The following HPS4 variants were observed in gnomAD, a reference collection of about 807,000 sequenced individuals.
HPS4 encodes BLOC-3 complex member HPS4.
A neutral mutation model predicts 70.3 loss-of-function variants in HPS4; 44 were observed. That is an observed-to-expected ratio of 0.63 (90% CI 0.49 to 0.80). The LOEUF (loss-of-function observed/expected upper bound fraction) is 0.80, where lower values mean the gene tolerates loss of function less well. HPS4 is among the 30% of genes least tolerant of loss of function. The pLI is 0.00. For missense variants in HPS4, 873 were observed against 884.4 expected (o/e 0.99, Z 0.16); for synonymous variants, 377 against 355.9 (o/e 1.06, Z -0.67).
At chr22:26,457,374 G>A (rs571543689) in intron 13 of HPS4, among the ~76,000 whole-genome samples, 83 of 152,042 alleles carry the variant, frequency 5.5e-4, no homozygotes, top group Non-Finnish European at 1.1e-3. Flanking sequence ...CCACCACCCT[G>A]CCCAGCTAAT....
At position 26,464,082 on chromosome 22, in the gene HPS4, C is replaced by T; in HGVS notation, c.1548G>A (p.Gln516=). ...TTCCATCTGCAGAGGGGCCAGCACC[C>T]TGACAGTTTGCTGAGCCTGAACTGC... The part of the protein sequence containing the change: ...LECSSGSANC[Q]GAGPSADGIS... Residue 516 remains glutamine (Q), a synonymous_variant, in exon 11 of 14, where the codon CAG becomes CAA. Coordinates refer to ENST00000398145, the MANE Select transcript of HPS4 (RefSeq NM_022081.6). The T allele has an allele frequency of 6.2e-7, 1 of 1,614,284 alleles. No individual in the cohort carries two copies. Among genetic ancestry groups the T allele is most frequent in the East Asian group, 2.2e-5 (1 of 44,890 alleles).
chr22:26,477,283 T>C (rs1231825995), intron 3 of HPS4, 147 bp from the exon 4 acceptor site: 1 of 806,720 alleles, frequency 1.2e-6, no homozygotes, highest in African/African-American at 1.7e-5. Flanking sequence ...TCTTATACTT[T>C]TTAAAGGTTA....
chr22:26,452,373 G>T lies in HPS4; in HGVS notation c.*860C>A, dbSNP rs995770536. On this transcript the variant is annotated 3_prime_UTR_variant, in exon 14 of 14. Coordinates refer to ENST00000398145, the MANE Select transcript of HPS4 (RefSeq NM_022081.6). The stretch of plus-strand genomic sequence containing the variant: ...CACACAAGCCCAGGAACACACAGCT[G>T]AGTGTCGCTCCCTTTCACGCAGCCA... 8.8e-6 allele frequency: 4 copies of T among 456,632 alleles called. No individual in the cohort carries two copies. The highest frequency in any genetic ancestry group is 6.2e-5 in the South Asian group (4 of 64,546). The allele number at this position is 456,632 out of a possible 1,614,324, so 28.3% of individuals were successfully genotyped here. A position where few individuals can be genotyped will look rare whatever the true frequency, so the allele number is the denominator to read the frequency against.
At chr22:26,473,983 A>G (rs1047076828) in intron 4 of HPS4, among the ~76,000 whole-genome samples, 1 of 152,238 alleles carries the variant, frequency 6.6e-6, no homozygotes, top group Admixed American at 6.5e-5. Context: ...AGAGCTTACA[A>G]CAGTCTGGCA....
At chr22:26,480,579 C>G (rs892832970) in intron 2 of HPS4, among the ~76,000 whole-genome samples, 1 of 152,290 alleles carries the variant, frequency 6.6e-6, no homozygotes, top group South Asian at 2.1e-4. Context: ...TATGCCCTCT[C>G]TGAAGCCTCC....
intron 13 of HPS4, chr22:26,454,043 G>A (rs1417510963): frequency 6.5e-6 from 1 of 153,350 alleles, no homozygotes; most frequent in African/African-American, 2.4e-5. Flanking sequence ...GCCAACTCCA[G>A]GCCAAGGTAA....
intron 2 of HPS4, among the ~76,000 whole-genome samples, chr22:26,480,899 T>C (rs535928798): frequency 6.6e-5 from 10 of 152,120 alleles, no homozygotes; most frequent in South Asian, 4.1e-4. Context: ...GCCTGGAGGA[T>C]AGAGCAAGAC....
chr22:26,452,336 G>A lies in HPS4; in HGVS notation c.*897C>T. 2.2e-6 allele frequency: 1 copy of A among 456,686 alleles called. No homozygotes were observed. The highest frequency in any genetic ancestry group is 4.4e-6 in the Non-Finnish European group (1 of 226,970). The allele number at this position is 456,686 out of a possible 1,614,324, so 28.3% of individuals were successfully genotyped here. The stretch of plus-strand genomic sequence containing the variant: ...TCTGACTATAACGTAATAGAACTGA[G>A]GTTCTAAGTACCACACAAGCCCAGG... On this transcript the variant is annotated 3_prime_UTR_variant, in exon 14 of 14. Coordinates refer to ENST00000398145, the MANE Select transcript of HPS4 (RefSeq NM_022081.6).
In HPS4 at chr22:26,472,818, C is replaced by T. The variant is rs761159300; in HGVS notation, c.384+14G>A. ...AGAGGCCCAATGTAAGACTCCTCAA[C>T]CCCATACTTGTACCTCATAAGCTAG... On this transcript the variant is annotated intron_variant, in intron 5 of 13. Coordinates refer to ENST00000398145, the MANE Select transcript of HPS4 (RefSeq NM_022081.6). The T allele has an allele frequency of 1.0e-5, 16 of 1,589,982 alleles. No homozygotes were observed. Among genetic ancestry groups the T allele is most frequent in the Non-Finnish European group, 1.4e-5 (16 of 1,158,050 alleles).
intron 12 of HPS4, 37 bp from the exon 13 acceptor site, chr22:26,458,004 A>G (rs1449150888): frequency 1.3e-6 from 2 of 1,516,166 alleles, no homozygotes; most frequent in African/African-American, 1.4e-5. Context: ...AAGAGCAGAC[A>G]GTTACCTTCT....
downstream of HPS4, among the ~76,000 whole-genome samples, chr22:26,449,857 C>T (rs140388446): frequency 1.3e-5 from 2 of 152,304 alleles, no homozygotes; most frequent in Non-Finnish European, 2.9e-5. Context: ...CATGCTCTCA[C>T]GGTTCTGGAG....
chr22:26,452,027 C>T lies in HPS4; in HGVS notation c.*1206G>A. 3.4e-6 allele frequency: 1 copy of T among 298,272 alleles called. No individual in the cohort carries two copies. Among genetic ancestry groups the T allele is most frequent in the South Asian group, 3.0e-5 (1 of 33,100 alleles). 18.5% of individuals were successfully genotyped at this position (298,272 alleles called of 1,614,324 possible). A position where few individuals can be genotyped will look rare whatever the true frequency, so the allele number is the denominator to read the frequency against. On this transcript the variant is annotated 3_prime_UTR_variant, in exon 14 of 14. Coordinates refer to ENST00000398145, the MANE Select transcript of HPS4 (RefSeq NM_022081.6). ...GCGCACACACACACACACACACACACACACACACACACACACTGTCTTAAC... is the reference window on the plus strand; with the variant it reads ...GCGCACACACACACACACACACACATACACACACACACACACTGTCTTAAC...
At chr22:26,477,380 C>A (rs967989032) in intron 3 of HPS4, among the ~76,000 whole-genome samples, 1 of 152,204 alleles carries the variant, frequency 6.6e-6, no homozygotes. Flanking sequence ...AGTTTGCCAA[C>A]CCCTACCTGA....
intron 1 of HPS4, 137 bp downstream of exon 1, chr22:26,483,537 C>T (rs997287519): frequency 2.4e-5 from 4 of 169,734 alleles, no homozygotes. Context: ...AGCACTAGGG[C>T]TGTGCGGTGT....
chr22:26,456,196 G>C (rs577942242), intron 13 of HPS4, among the ~76,000 whole-genome samples: 14 of 152,246 alleles, frequency 9.2e-5, no homozygotes, highest in Non-Finnish European at 1.5e-4. Flanking sequence ...CCCTCACACT[G>C]GACCACACTG....
Position 26,453,582 on chromosome 22 carries a change from C to G in HPS4, c.1956-178G>C, listed in dbSNP as rs2085564433. ...GAGTTTCAGGCTTCAGTGCCAATACCATCTTTCCTTCCTTTCAGCTCACTA... is the reference window on the plus strand; with the variant it reads ...GAGTTTCAGGCTTCAGTGCCAATACGATCTTTCCTTCCTTTCAGCTCACTA... On this transcript the variant is annotated intron_variant, in intron 13 of 13. Coordinates refer to ENST00000398145, the MANE Select transcript of HPS4 (RefSeq NM_022081.6). The G allele has an allele frequency of 7.2e-6, 5 of 690,010 alleles. No individual in the cohort carries two copies. In the South Asian group the frequency reaches 8.3e-5, roughly 11 times the overall value. The allele number at this position is 690,010 out of a possible 1,614,324, so 42.7% of individuals were successfully genotyped here.
intron 13 of HPS4, among the ~76,000 whole-genome samples, chr22:26,456,380 G>A (rs1019184719): frequency 3.3e-5 from 5 of 152,228 alleles, no homozygotes; most frequent in Non-Finnish European, 7.3e-5. Flanking sequence ...TGCCCTTGAA[G>A]CCGGGCGTGG....
intron 10 of HPS4, among the ~76,000 whole-genome samples, 158 bp from the exon 11 acceptor site, chr22:26,464,984 T>C (rs185567514): frequency 1.3e-5 from 2 of 152,260 alleles, no homozygotes; most frequent in Admixed American, 1.3e-4. Context: ...AGAGTAAAAA[T>C]ACACCAACAT....
At chr22:26,465,743 C>G in intron 9 of HPS4, 192 bp from the exon 10 acceptor site, 2 of 608,432 alleles carry the variant, frequency 3.3e-6, no homozygotes, top group Non-Finnish European at 5.8e-6. Context: ...GAAAGAGTCC[C>G]TGCAGGCAAC....
Sources: gnomAD v4.1 joint callset for allele counts (sites outside exome capture counted in the v4.1 genomes callset) on GRCh38, gnomAD v4.1.1 for gene constraint, MANE v1.5 for transcripts, NCBI Gene and HGNC (gene_info 2026-07-23, HGNC 2026-07-21) for gene names.